The following DNASE1 variants were observed in gnomAD, a reference collection of about 807,000 sequenced individuals.
The protein encoded by DNASE1 is deoxyribonuclease-1.
In DNASE1, 40 loss-of-function variants were observed where a neutral mutation model predicts 33.9. The ratio of observed to expected loss-of-function variants is 1.18; its 90% CI spans 0.92 to 1.54. The LOEUF is 1.54. DNASE1 is among the 40% of genes most tolerant of loss of function. The pLI is 0.00. For synonymous variants in DNASE1, 216 were observed against 160.0 expected (o/e 1.35, Z -2.64); for missense variants, 518 against 372.6 (o/e 1.39, Z -3.21).
At chr16:3,657,457 G>T (rs555414952) in intron 7 of DNASE1, 116 bp downstream of exon 7, 2 of 1,409,382 alleles carry the variant, frequency 1.4e-6, no homozygotes, top group Admixed American at 4.1e-5. Flanking sequence ...CTGAGCTTCA[G>T]TTGATCCACT....
chr16:3,643,715 C>T (rs1312465223), intron 1 of DNASE1, among the ~76,000 whole-genome samples: 1 of 152,132 alleles, frequency 6.6e-6, no homozygotes, highest in Non-Finnish European at 1.5e-5. Context: ...TGGACATGGA[C>T]TTTAGTATGT....
At chr16:3,654,038 G>T, upstream of DNASE1, 1 of 196,462 alleles carries the variant, frequency 5.1e-6, no homozygotes, top group African/African-American at 2.3e-5. Flanking sequence ...GAGCCCTGGC[G>T]GTTGAGGCTA....
intron 1 of DNASE1, among the ~76,000 whole-genome samples, chr16:3,615,066 AT>A (rs376764728): frequency 0.059 from 8,688 of 148,246 alleles, 277 homozygotes; most frequent in Admixed American, 0.076. Flanking sequence ...CACCTGTGGA[AT>A]TTTTTTTTTT....
At chr16:3,665,219 G>C (rs549207638) in exon 10 of DNASE1, 2 of 152,194 alleles carry the variant, frequency 1.3e-5, no homozygotes, top group African/African-American at 4.8e-5. Flanking sequence ...TGCCGAAGTC[G>C]GCAAACAACC....
intron 1 of DNASE1, among the ~76,000 whole-genome samples, chr16:3,624,059 C>T (rs1436353003): frequency 1.3e-5 from 2 of 151,862 alleles, no homozygotes; most frequent in Non-Finnish European, 2.9e-5. Context: ...CTAAGGCAGG[C>T]GGATCACTTG....
At chr16:3,659,213 C>T, downstream of DNASE1, 2 of 204,150 alleles carry the variant, frequency 9.8e-6, no homozygotes, top group South Asian at 8.8e-5. Flanking sequence ...TTATAGGGCT[C>T]TAGTAAATAA....
rs553395885 is a variant in DNASE1, at chr16:3,636,482, C to A, written c.-1358-4233C>A. Among the ~76,000 whole-genome samples, 21 of 152,204 alleles carry A rather than the reference C, an allele frequency of 1.4e-4. No individual in the cohort carries two copies. In the South Asian group the frequency reaches 4.4e-3, roughly 32 times the overall value. On this transcript the variant is annotated intron_variant and NMD_transcript_variant, in intron 1 of 11. Coordinates refer to the DNASE1 transcript ENST00000570769. ...AAGTCTGCTTTTTAATCGTAGTATG[C>A]CTTGTAATTTTTTTGTTGAAAACCG...
intron 1 of DNASE1, among the ~76,000 whole-genome samples, chr16:3,628,028 A>T (rs887942203): frequency 1.3e-5 from 2 of 151,480 alleles, no homozygotes; most frequent in African/African-American, 4.8e-5. Flanking sequence ...TTGACATCTT[A>T]ACAATATTAA....
At chr16:3,656,426 C>T (rs998484286) in intron 4 of DNASE1, among the ~76,000 whole-genome samples, 14 of 117,784 alleles carry the variant, frequency 1.2e-4, no homozygotes, top group African/African-American at 5.3e-4. Flanking sequence ...CTGGCTCCCC[C>T]GCCCTCCTGT....
At chr16:3,662,962 C>T (rs55766649), downstream of DNASE1, 104 of 1,608,904 alleles carry the variant, frequency 6.5e-5, no homozygotes, top group South Asian at 4.7e-4. Context: ...GATAGGCACT[C>T]GGCGGCTGCG....
At chr16:3,614,488 T>G (rs539190468) in intron 1 of DNASE1, among the ~76,000 whole-genome samples, 27 of 152,362 alleles carry the variant, frequency 1.8e-4, no homozygotes, top group African/African-American at 6.5e-4. Flanking sequence ...TTTATGGGGT[T>G]CCTCAGAAAT....
chr16:3,661,094 G>A (rs2043049339), downstream of DNASE1: 1 of 151,972 alleles, frequency 6.6e-6, no homozygotes. Flanking sequence ...ATACAAGTTA[G>A]TTCATATACA....
chr16:3,616,722 G>A (rs946072637), intron 1 of DNASE1, among the ~76,000 whole-genome samples: 18 of 152,172 alleles, frequency 1.2e-4, no homozygotes, highest in Admixed American at 9.2e-4. Flanking sequence ...TTTCAAGAAC[G>A]TACTTCCTTA....
At chr16:3,663,231 C>T in exon 10 of DNASE1, 1 of 746,504 alleles carries the variant, frequency 1.3e-6, no homozygotes, top group Admixed American at 2.9e-5. Flanking sequence ...GGCAGGAGCA[C>T]TGGACAGACC....
intron 1 of DNASE1, among the ~76,000 whole-genome samples, chr16:3,644,684 A>G (rs1596614945): frequency 6.6e-6 from 1 of 151,802 alleles, no homozygotes; most frequent in Non-Finnish European, 1.5e-5. Flanking sequence ...GCAGTGAGCT[A>G]TGAATGTGCC....
downstream of DNASE1, chr16:3,660,277 A>ATT (rs2042995467): frequency 6.6e-6 from 1 of 152,146 alleles, no homozygotes; most frequent in Non-Finnish European, 1.5e-5. Context: ...GTAGGAGGAA[A>ATT]TTTTCCCCTG....
At chr16:3,658,265 C>A, downstream of DNASE1, 1 of 1,494,140 alleles carries the variant, frequency 6.7e-7, no homozygotes, top group Admixed American at 1.9e-5. Context: ...TTATGAGGGG[C>A]ATGGGGCACC....
At chr16:3,631,580 A>G (rs2041701910) in intron 1 of DNASE1, among the ~76,000 whole-genome samples, 1 of 151,798 alleles carries the variant, frequency 6.6e-6, no homozygotes. Context: ...GCTGGAGTGC[A>G]GTGGCATGAT....
At chr16:3,661,826 C>T (rs897728085), downstream of DNASE1, 2 of 934,878 alleles carry the variant, frequency 2.1e-6, no homozygotes, top group African/African-American at 1.7e-5. Flanking sequence ...GGTTCCATTT[C>T]ACATGGGTGC....
Sources: gnomAD v4.1 joint callset for allele counts (sites outside exome capture counted in the v4.1 genomes callset) on GRCh38, gnomAD v4.1.1 for gene constraint, MANE v1.5 for transcripts, NCBI Gene and HGNC (gene_info 2026-07-23, HGNC 2026-07-21) for gene names.